The following HNF4A variants were observed in gnomAD, a reference collection of about 807,000 sequenced individuals.
HNF4A encodes hepatocyte nuclear factor 4-alpha.
HNF4A carries 15 observed loss-of-function variants against 52.4 expected under a neutral mutation model. That is an observed-to-expected ratio of 0.29 (90% CI 0.19 to 0.44). The LOEUF (loss-of-function observed/expected upper bound fraction) is 0.44. Ranked by LOEUF, HNF4A falls within the 20% of genes least tolerant of loss-of-function variation. The pLI, the probability that HNF4A is intolerant of heterozygous loss-of-function variation, is 1.00. For missense variants in HNF4A, 479 were observed against 647.2 expected (o/e 0.74, Z 2.82); for synonymous variants, 280 against 264.4 (o/e 1.06, Z -0.57).
At chr20:44,364,016 G>A (rs1025053641) in intron 1 of HNF4A, among the ~76,000 whole-genome samples, 1 of 151,994 alleles carries the variant, frequency 6.6e-6, no homozygotes, top group Non-Finnish European at 1.5e-5. Flanking sequence ...AGAAATGGAG[G>A]TATGACAACC....
chr20:44,370,870 C>T (rs1340472223), intron 1 of HNF4A, among the ~76,000 whole-genome samples: 5 of 152,210 alleles, frequency 3.3e-5, no homozygotes, highest in Admixed American at 3.3e-4. Context: ...CGACTGTCTG[C>T]CATGGGCCTG....
chr20:44,393,908 G>A (rs1235998778), intron 1 of HNF4A, among the ~76,000 whole-genome samples: 1 of 151,916 alleles, frequency 6.6e-6, no homozygotes, highest in Non-Finnish European at 1.5e-5. Flanking sequence ...ATAGACACAG[G>A]GTCTCACTAT....
rs146629105 is a variant in HNF4A, at chr20:44,402,131, G to A, written c.115+644G>A. Among the ~76,000 whole-genome samples, 335 of 151,784 alleles carry A rather than the reference G, an allele frequency of 2.2e-3. 3 individuals are homozygous for A. In the South Asian group the frequency reaches 0.024, roughly 11 times the overall value. Reference sequence around the variant, plus strand: ...TTCAGGAACCCATTTGCATATGTGTGTTCATTTGTCTCTGTGTGTGAGTTC... The same window carrying A: ...TTCAGGAACCCATTTGCATATGTGTATTCATTTGTCTCTGTGTGTGAGTTC... On this transcript the variant is annotated intron_variant, in intron 1 of 9. Transcript: ENST00000316099.
intron 7 of HNF4A, 146 bp from the exon 8 acceptor site, chr20:44,423,872 C>G (rs1160205137): frequency 2.8e-6 from 2 of 713,946 alleles, no homozygotes; most frequent in East Asian, 5.4e-5. Context: ...GCTGGCGTAC[C>G]CTGGTTGTTG....
At chr20:44,416,580 C>T (rs567722525) in intron 5 of HNF4A, among the ~76,000 whole-genome samples, 92 of 152,370 alleles carry the variant, frequency 6.0e-4, no homozygotes, top group African/African-American at 2.2e-3. Context: ...TGGATTTTCC[C>T]TCCCAGGCAG....
At chr20:44,400,347 AGGG>A (rs61197657), upstream of HNF4A, among the ~76,000 whole-genome samples, 15,184 of 151,340 alleles carry the variant, frequency 0.1, 1,340 homozygotes, top group East Asian at 0.34. Context: ...GAGAGGGAGG[AGGG>A]GGAAGAGGAT....
At chr20:44,366,183 A>G (rs2062968163) in intron 1 of HNF4A, among the ~76,000 whole-genome samples, 1 of 152,240 alleles carries the variant, frequency 6.6e-6, no homozygotes. Context: ...AGAGCATTTC[A>G]TGTAGTAAGA....
chr20:44,385,241 G>C (rs184752568), intron 1 of HNF4A, among the ~76,000 whole-genome samples: 1 of 151,552 alleles, frequency 6.6e-6, no homozygotes, highest in African/African-American at 2.4e-5. Context: ...CACAGGGTTT[G>C]GTGATCAGGT....
intron 1 of HNF4A, among the ~76,000 whole-genome samples, chr20:44,362,875 T>A (rs896176359): frequency 6.7e-6 from 1 of 150,238 alleles, no homozygotes; most frequent in African/African-American, 2.5e-5. Context: ...GGAGTCTTGC[T>A]CTGCTGCCCA....
rs146511655 is a variant in HNF4A at position 44,382,906 on chromosome 20, C to T, written c.50-23152C>T. ...TCTCCAGGCTGGGTGGGGTGACTCA[C>T]GTCTGTAATCCCAACACTTTGAAGA... On this transcript the variant is annotated intron_variant, in intron 1 of 9. Coordinates refer to the HNF4A transcript ENST00000316673. 1.4e-4 allele frequency among the ~76,000 whole-genome samples: 21 copies of T among 152,268 alleles called. No individual in the cohort carries two copies. The East Asian group carries it at 2.9e-3, about 21-fold the overall frequency.
At chr20:44,426,976 C>T (rs1316547594) in intron 8 of HNF4A, among the ~76,000 whole-genome samples, 7 of 152,186 alleles carry the variant, frequency 4.6e-5, no homozygotes, top group Admixed American at 1.3e-4. Flanking sequence ...GGAGGTGTTT[C>T]AGTGACTGAA....
intron 3 of HNF4A, among the ~76,000 whole-genome samples, chr20:44,412,875 G>T (rs1355806171): frequency 6.6e-6 from 1 of 152,170 alleles, no homozygotes; most frequent in Non-Finnish European, 1.5e-5. Context: ...GAGCCCCAGA[G>T]AGAGGCTGCG....
chr20:44,406,568 C>G (rs1021771284), intron 2 of HNF4A, among the ~76,000 whole-genome samples: 2 of 152,156 alleles, frequency 1.3e-5, no homozygotes, highest in Non-Finnish European at 2.9e-5. Context: ...TAGATGAGCC[C>G]GTCTTCCAGT....
chr20:44,424,061 T>G lies in HNF4A; in HGVS notation c.936T>G (p.Arg312=). The G allele has an allele frequency of 6.2e-7, 1 of 1,613,302 alleles. No homozygotes were observed. Among genetic ancestry groups the G allele is most frequent in the Admixed American group, 1.7e-5 (1 of 60,006 alleles). The change falls in exon 8 of 10, where the codon CGT becomes CGG. Residue 312 remains arginine, a synonymous_variant. Coordinates refer to ENST00000316099, the MANE Select transcript of HNF4A (RefSeq NM_000457.6). ...ATCCAGGGAAGATCAAGCGGCTGCGTTCCCAGGTGCAGGTGAGCTTGGAGG... is the reference window on the plus strand; with the variant it reads ...ATCCAGGGAAGATCAAGCGGCTGCGGTCCCAGGTGCAGGTGAGCTTGGAGG...
chr20:44,407,927 GC>G (rs775709456), intron 3 of HNF4A, among the ~76,000 whole-genome samples: 1 of 152,170 alleles, frequency 6.6e-6, no homozygotes, highest in Non-Finnish European at 1.5e-5. Flanking sequence ...AGGGACAAAT[GC>G]CCCAGTTCCC....
In HNF4A at chr20:44,419,894, T is replaced by C; in HGVS notation, c.892+18T>C. On this transcript the variant is annotated intron_variant, in intron 7 of 9. Transcript: ENST00000316099. ...TGACCCAGGTACAGTGCACACCTCC[T>C]AAGCCATCCCTGACTCTCTCTCCAG... 1 of 1,613,360 alleles carries C rather than the reference T, an allele frequency of 6.2e-7. No individual in the cohort carries two copies. Among genetic ancestry groups the C allele is most frequent in the Non-Finnish European group, 8.5e-7 (1 of 1,179,324 alleles).
At chr20:44,407,527 G>C in intron 3 of HNF4A, 52 bp downstream of exon 3, 2 of 1,214,076 alleles carry the variant, frequency 1.6e-6, no homozygotes, top group Non-Finnish European at 2.4e-6. Context: ...TGCACCCACA[G>C]CTCCCCGACA....
intron 1 of HNF4A, among the ~76,000 whole-genome samples, chr20:44,356,846 C>T (rs2062864339): frequency 6.6e-6 from 1 of 152,074 alleles, no homozygotes; most frequent in African/African-American, 2.4e-5. Flanking sequence ...AATCACACAC[C>T]CGCACAGAAC....
intron 1 of HNF4A, among the ~76,000 whole-genome samples, chr20:44,375,237 T>G (rs948933269): frequency 6.6e-6 from 1 of 152,180 alleles, no homozygotes; most frequent in Non-Finnish European, 1.5e-5. Context: ...GTTCTTTGTT[T>G]TTTGCTTGTT....
Sources: gnomAD v4.1 joint callset for allele counts (sites outside exome capture counted in the v4.1 genomes callset) on GRCh38, gnomAD v4.1.1 for gene constraint, MANE v1.5 for transcripts, NCBI Gene and HGNC (gene_info 2026-07-23, HGNC 2026-07-21) for gene names.